The following ZFYVE26 variants were observed in gnomAD, a reference collection of about 807,000 sequenced individuals.
ZFYVE26 encodes zinc finger FYVE domain-containing protein 26.
A neutral mutation model predicts 276.5 loss-of-function variants in ZFYVE26; 181 were observed. The observed-to-expected ratio is 0.65, with a 90% CI of 0.58 to 0.74. ZFYVE26 has a LOEUF of 0.74. Among genes scored for constraint, ZFYVE26 ranks in the 30% least tolerant of loss-of-function variants. ZFYVE26 has a pLI of 0.00. For missense variants in ZFYVE26, 2,821 were observed against 3,097.9 expected, an observed-to-expected ratio of 0.91 and a Z score of 2.12; for synonymous variants, 1,129 against 1,203.1, an observed-to-expected ratio of 0.94 and a Z score of 1.27.
chr14:67,798,977 G>C, intron 10 of ZFYVE26: 1 of 1,133,176 alleles, frequency 8.8e-7, no homozygotes, highest in South Asian at 1.2e-5. Flanking sequence ...GGAGGGGCGG[G>C]GGTGATTTAC....
At position 67,747,415 on chromosome 14, in the gene ZFYVE26, C is replaced by T. The variant is rs1566858206; in HGVS notation, c.*1021G>A. The T allele has an allele frequency of 6.6e-6, 1 of 152,152 alleles. No individual in the cohort carries two copies. Among genetic ancestry groups the T allele is most frequent in the Non-Finnish European group, 1.5e-5 (1 of 68,046 alleles). The allele number at this position is 152,152 out of a possible 1,614,324, so 9.4% of individuals were successfully genotyped here. ...ATGTCTGCATATCCATCCTGTGGTC[C>T]TGAAGAGACTGAAGGGAAGCAGGAG... On this transcript the variant is annotated 3_prime_UTR_variant, in exon 42 of 42. Coordinates refer to ENST00000347230, the MANE Select transcript of ZFYVE26 (RefSeq NM_015346.4).
intron 16 of ZFYVE26, 134 bp from the exon 17 acceptor site, chr14:67,786,367 T>C (rs150899230): frequency 2.3e-5 from 27 of 1,165,196 alleles, no homozygotes; most frequent in African/African-American, 2.2e-4. Context: ...TGCTGTGCCA[T>C]TTTGGGTGAC....
Position 67,770,094 on chromosome 14 carries a change from C to T in ZFYVE26, c.5485-364G>A, listed in dbSNP as rs115435854. ...TTGATGACAATGATTAAAAAGTATCCCTTTCAAAATGCCTTTATTTGTTTT... is the reference window on the plus strand; with the variant it reads ...TTGATGACAATGATTAAAAAGTATCTCTTTCAAAATGCCTTTATTTGTTTT... On this transcript the variant is annotated intron_variant, in intron 28 of 41. Coordinates refer to ENST00000347230, the MANE Select transcript of ZFYVE26 (RefSeq NM_015346.4). The T allele has an allele frequency of 4.1e-3, 1,259 of 307,420 alleles. 18 individuals carry two copies. The highest frequency in any genetic ancestry group is 0.026 in the African/African-American group (1,202 of 46,714). 19.0% of individuals were successfully genotyped at this position (307,420 alleles called of 1,614,324 possible). A position where few individuals can be genotyped will look rare whatever the true frequency, so the allele number is the denominator to read the frequency against.
At chr14:67,777,764 G>A in intron 24 of ZFYVE26, 29 bp from the exon 25 acceptor site, 1 of 1,613,638 alleles carries the variant, frequency 6.2e-7, no homozygotes, top group Non-Finnish European at 8.5e-7. Flanking sequence ...GGAGGAAGGT[G>A]TGGCCTGCAG....
At position 67,794,153 on chromosome 14, in the gene ZFYVE26, T is replaced by G. The variant is rs1207077865; in HGVS notation, c.2401+18A>C. On this transcript the variant is annotated intron_variant, in intron 13 of 41. Coordinates refer to ENST00000347230, the MANE Select transcript of ZFYVE26 (RefSeq NM_015346.4). ...GGCAAAGCTGCTCAAAGTTGGCAAC[T>G]GGTGGAAATCTGCATACCTGACGTA... The G allele has an allele frequency of 6.2e-7, 1 of 1,613,836 alleles. No individual in the cohort carries two copies. The highest frequency in any genetic ancestry group is 1.3e-5 in the African/African-American group (1 of 75,038).
At chr14:67,794,121 A>C (rs775029430) in intron 13 of ZFYVE26, 50 bp downstream of exon 13, 1 of 1,579,742 alleles carries the variant, frequency 6.3e-7, no homozygotes, top group African/African-American at 1.3e-5. Context: ...TGGCAACTCT[A>C]TATCAGGGCA....
intron 10 of ZFYVE26, 94 bp from the exon 11 acceptor site, chr14:67,798,716 C>CA: frequency 6.7e-7 from 1 of 1,490,116 alleles, no homozygotes; most frequent in East Asian, 2.3e-5. Context: ...AACATTCTCG[C>CA]AACTTTAGCT....
In ZFYVE26 at chr14:67,790,463, T is replaced by C. The variant is rs998824525; in HGVS notation, c.2755+109A>G. 4 of 1,215,264 alleles carry C rather than the reference T, an allele frequency of 3.3e-6. No individual in the cohort carries two copies. The African/African-American group carries it at 6.0e-5, about 18-fold the overall frequency. The allele number at this position is 1,215,264 out of a possible 1,614,324, so 75.3% of individuals were successfully genotyped here. A position where few individuals can be genotyped will look rare whatever the true frequency, so the allele number is the denominator to read the frequency against. ...TGTTTTTCAAGGCAGGTGTCCTGTA[T>C]TTAATTTCTGCTCACCCTCATGAGG... On this transcript the variant is annotated intron_variant, in intron 15 of 41. Coordinates refer to ENST00000347230, the MANE Select transcript of ZFYVE26 (RefSeq NM_015346.4).
rs1253412327 is a variant in ZFYVE26, at chr14:67,805,256, G to T, written c.1232C>A (p.Ala411Asp). 5.0e-6 allele frequency: 8 copies of T among 1,613,974 alleles called. No individual in the cohort carries two copies. Among genetic ancestry groups the T allele is most frequent in the Non-Finnish European group, 6.8e-6 (8 of 1,180,004 alleles). Residue 411 changes from alanine to aspartate, a missense_variant, in exon 8 of 42, where the codon GCT (alanine) becomes GAT (aspartate). By Grantham distance (126) the Ala-to-Asp change is moderately radical. Coordinates refer to ENST00000347230, the MANE Select transcript of ZFYVE26 (RefSeq NM_015346.4). ...LLRDACDGLWAHLEVLEWCIQ... is the reference protein window; with the variant it reads ...LLRDACDGLWDHLEVLEWCIQ... ...GCACCACTCCAGGACCTCCAGGTGA[G>T]CCCACAACCCATCACAGGCATCCCT...
chr14:67,780,054 G>T (rs2039455115), intron 23 of ZFYVE26, among the ~76,000 whole-genome samples, 187 bp downstream of exon 23: 1 of 152,024 alleles, frequency 6.6e-6, no homozygotes, highest in East Asian at 1.9e-4. Flanking sequence ...TGTATTTTTA[G>T]TAGAGACGGG....
At chr14:67,768,685 G>C in intron 29 of ZFYVE26, 137 bp from the exon 30 acceptor site, 1 of 818,676 alleles carries the variant, frequency 1.2e-6, no homozygotes. Context: ...TTGAATGAAA[G>C]AGTCCCCCAT....
intron 5 of ZFYVE26, among the ~76,000 whole-genome samples, chr14:67,807,032 T>G (rs574430008): frequency 6.6e-6 from 1 of 152,288 alleles, no homozygotes; most frequent in African/African-American, 2.4e-5. Flanking sequence ...CTGGGCTCAG[T>G]GATCTTCCTG....
chr14:67,759,938 C>G (rs916342957), intron 35 of ZFYVE26, among the ~76,000 whole-genome samples: 3 of 152,160 alleles, frequency 2.0e-5, no homozygotes, highest in Admixed American at 1.3e-4. Flanking sequence ...ATGCTCCAGG[C>G]ATTCAGGTGT....
At chr14:67,781,900 T>C (rs2039510198) in intron 21 of ZFYVE26, among the ~76,000 whole-genome samples, 1 of 152,196 alleles carries the variant, frequency 6.6e-6, no homozygotes, top group Non-Finnish European at 1.5e-5. Context: ...AAACTTTCCT[T>C]TTCCCTGTAA....
chr14:67,736,701 T>A (rs551553011), intron 13 of ZFYVE26, among the ~76,000 whole-genome samples: 1 of 152,280 alleles, frequency 6.6e-6, no homozygotes, highest in South Asian at 2.1e-4. Flanking sequence ...TTTGAAATTG[T>A]TTTACGTTAT....
intron 23 of ZFYVE26, 146 bp downstream of exon 23, chr14:67,780,095 G>A: frequency 1.3e-6 from 1 of 783,460 alleles, no homozygotes; most frequent in Non-Finnish European, 2.1e-6. Flanking sequence ...TCCTGACCTT[G>A]TGAGCCGCCC....
chr14:67,775,872 C>G lies in ZFYVE26; in HGVS notation c.5209G>C (p.Glu1737Gln), dbSNP rs1288270784. ...KALDFPYPQR[E>Q]KRSDSVIHLQ... is the part of the protein sequence containing the mutation. ...TGCTAGCAGTTACCTGATCGTTTCT[C>G]CCTCTGAGGGTATGGAAAGTCCAGG... Residue 1737 changes from glutamate to glutamine, a missense_variant, in exon 26 of 42, where the codon GAG becomes CAG. Physicochemically the swap from Glu to Gln is conservative, Grantham distance 29. Coordinates refer to ENST00000347230, the MANE Select transcript of ZFYVE26 (RefSeq NM_015346.4). 6.2e-7 allele frequency: 1 copy of G among 1,614,230 alleles called. No homozygotes were observed. Among genetic ancestry groups the G allele is most frequent in the Non-Finnish European group, 8.5e-7 (1 of 1,180,018 alleles).
At chr14:67,815,625 G>A (rs1013776710) in intron 2 of ZFYVE26, 145 bp downstream of exon 2, 4 of 810,322 alleles carry the variant, frequency 4.9e-6, no homozygotes, top group Non-Finnish European at 8.6e-6. Context: ...TACTATAGAG[G>A]TAAAATTTCA....
rs2140242614 is a variant in ZFYVE26 at position 67,798,060 on chromosome 14, A to G, written c.2202T>C (p.Ser734=). 1 of 1,614,170 alleles carries G rather than the reference A, an allele frequency of 6.2e-7. No homozygotes were observed. Among genetic ancestry groups the G allele is most frequent in the Non-Finnish European group, 8.5e-7 (1 of 1,180,014 alleles). ...SRLHRLSKVV[S]EAQWRHKVVT... is the part of the protein sequence containing the mutation. ...CCACCTTGTGTCTCCACTGGGCCTCAGAGACAACCTTGGAAAGTCGATGCA... is the reference window on the plus strand; with the variant it reads ...CCACCTTGTGTCTCCACTGGGCCTCGGAGACAACCTTGGAAAGTCGATGCA... Residue 734 remains serine (S), a synonymous_variant, in exon 11 of 42, where the codon TCT becomes TCC. Coordinates refer to ENST00000347230, the MANE Select transcript of ZFYVE26 (RefSeq NM_015346.4).
Sources: allele counts gnomAD v4.1 joint callset (sites outside exome capture counted in the v4.1 genomes callset), GRCh38; gene constraint gnomAD v4.1.1; transcripts MANE v1.5; gene names NCBI Gene and HGNC (gene_info 2026-07-23, HGNC 2026-07-21).